Variants in SPATA31H1 observed in about 807,000 individuals in gnomAD.
The protein encoded by SPATA31H1 is spermatogenesis-associated protein 31H1.
At chr2:27,577,945 T>G in the SPATA31H1 span, 1 of 1,614,158 alleles carries the variant, frequency 6.2e-7, no homozygotes, top group South Asian at 1.1e-5. This position sits in a 1 kb window ranked among gnomAD's most constrained non-coding sequence, Gnocchi z 4.5. Context: ...AATCAAAGTA[T>G]GAAATCTCCA....
chr2:27,568,638 G>A, the SPATA31H1 span: 1 of 399,022 alleles, frequency 2.5e-6, no homozygotes, highest in Non-Finnish European at 4.4e-6. Context: ...AAACACTGTG[G>A]AGCTGACCCT....
the SPATA31H1 span, among the ~76,000 whole-genome samples, chr2:27,562,438 G>A: frequency 6.7e-6 from 1 of 150,350 alleles, no homozygotes; most frequent in Admixed American, 6.6e-5. Flanking sequence ...TTGAGCCCAG[G>A]ATGTTGAGGC....
At chr2:27,563,386 T>TTG in the SPATA31H1 span, among the ~76,000 whole-genome samples, 1 of 4,640 alleles carries the variant, frequency 2.2e-4, no homozygotes, top group African/African-American at 4.8e-4. Context: ...CTTCTACTTC[T>TTG]TTTTTTTTTT....
the SPATA31H1 span, chr2:27,579,466 T>A: frequency 6.2e-7 from 1 of 1,614,234 alleles, no homozygotes; most frequent in Admixed American, 1.7e-5. Flanking sequence ...AGACATACTT[T>A]TTATCATGGT....
the SPATA31H1 span, among the ~76,000 whole-genome samples, chr2:27,542,588 C>T: frequency 0.071 from 10,769 of 151,826 alleles, 1,090 homozygotes; most frequent in African/African-American, 0.21. Flanking sequence ...ATAGCGCCAG[C>T]CTAGACCTAG....
chr2:27,578,984 A>G, the SPATA31H1 span: 16 of 1,614,186 alleles, frequency 9.9e-6, no homozygotes, highest in East Asian at 3.6e-4. Flanking sequence ...CCGATAAGAC[A>G]GCTAACATTG....
At chr2:27,559,068 GGTCTT>G in the SPATA31H1 span, among the ~76,000 whole-genome samples, 135 of 152,222 alleles carry the variant, frequency 8.9e-4, 1 homozygote, top group African/African-American at 3.2e-3. Context: ...TCAGTCAGTC[GGTCTT>G]GTCTTCTAGT....
chr2:27,574,761 G>A, the SPATA31H1 span: 34 of 398,038 alleles, frequency 8.5e-5, no homozygotes, highest in East Asian at 1.2e-3. Context: ...TCAAGGTGGG[G>A]AATCTGTGGA....
the SPATA31H1 span, chr2:27,569,942 G>T: frequency 7.5e-6 from 3 of 398,716 alleles, no homozygotes; most frequent in Non-Finnish European, 1.3e-5. Flanking sequence ...ATTATGGTGT[G>T]AAATCTGATG....
chr2:27,570,922 G>T, the SPATA31H1 span: 2 of 398,878 alleles, frequency 5.0e-6, no homozygotes, highest in Non-Finnish European at 8.9e-6. Flanking sequence ...CAGTTGCCCA[G>T]TGTAAATCAT....
At chr2:27,581,545 CAGAG>C in the SPATA31H1 span, 1 of 1,465,186 alleles carries the variant, frequency 6.8e-7, no homozygotes, top group East Asian at 2.6e-5. Flanking sequence ...CGCAGTCCCT[CAGAG>C]AGAAGCCATC....
At chr2:27,575,825 C>A in the SPATA31H1 span, 1 of 398,270 alleles carries the variant, frequency 2.5e-6, no homozygotes, top group Non-Finnish European at 4.4e-6. This position sits in a 1 kb window ranked among gnomAD's most constrained non-coding sequence, Gnocchi z 4.1. Context: ...CAAAAGCTCA[C>A]TGTGTAAATT....
chr2:27,564,440 T>A, the SPATA31H1 span, among the ~76,000 whole-genome samples: 1,639 of 152,314 alleles, frequency 0.011, 10 homozygotes, highest in South Asian at 0.03. Context: ...GATGATTTTC[T>A]ACTCATGTTT....
chr2:27,579,318 A>G, the SPATA31H1 span: 1 of 1,614,248 alleles, frequency 6.2e-7, no homozygotes, highest in Non-Finnish European at 8.5e-7. Flanking sequence ...TTTAGCAGAA[A>G]GAGCCACTGC....
the SPATA31H1 span, chr2:27,577,721 G>A: frequency 6.2e-7 from 1 of 1,614,066 alleles, no homozygotes; most frequent in Non-Finnish European, 8.5e-7. This position sits in a 1 kb window ranked among gnomAD's most constrained non-coding sequence, Gnocchi z 4.5. Flanking sequence ...CCAAACCACA[G>A]CATCATGTGG....
the SPATA31H1 span, among the ~76,000 whole-genome samples, chr2:27,550,247 A>G: frequency 2.0e-5 from 3 of 149,950 alleles, no homozygotes; most frequent in Non-Finnish European, 4.4e-5. Context: ...TGTAGAGGAT[A>G]GTTTGCAATA....
the SPATA31H1 span, chr2:27,582,670 G>A: frequency 1.2e-5 from 9 of 742,230 alleles, no homozygotes; most frequent in Admixed American, 1.4e-4. Flanking sequence ...GGGGGGAGGC[G>A]GGTGAGAATG....
chr2:27,539,182 A>G, the SPATA31H1 span, among the ~76,000 whole-genome samples: 1 of 146,058 alleles, frequency 6.8e-6, no homozygotes, highest in Non-Finnish European at 1.5e-5. Context: ...GTCATAGGAC[A>G]ATAGTGGAGG....
chr2:27,555,846 T>C, the SPATA31H1 span, among the ~76,000 whole-genome samples: 10 of 152,008 alleles, frequency 6.6e-5, no homozygotes, highest in Middle Eastern at 3.4e-3. Flanking sequence ...AGACCCATTG[T>C]GTTAGGGCTG....
Sources: allele counts gnomAD v4.1 joint callset (sites outside exome capture counted in the v4.1 genomes callset), GRCh38; gene constraint gnomAD v4.1.1; non-coding constraint Gnocchi (gnomAD v3.1); transcripts MANE v1.5; gene names NCBI Gene and HGNC (gene_info 2026-07-23, HGNC 2026-07-21).